Variants in HERC6 observed in about 807,000 individuals in gnomAD.
The protein encoded by HERC6 is HECT and RLD domain containing E3 ubiquitin protein ligase family member 6, also known as probable E3 ubiquitin-protein ligase HERC6.
In HERC6, 101 loss-of-function variants were observed where a neutral mutation model predicts 114.5. The ratio of observed to expected loss-of-function variants is 0.88; its 90% CI spans 0.75 to 1.04. HERC6 has a LOEUF of 1.04. Ranked by LOEUF, HERC6 falls within the 50% of genes least tolerant of loss-of-function variation. HERC6 has a pLI of 0.00. For missense variants in HERC6, 1,133 were observed against 1,230.9 expected (o/e 0.92, Z 1.19); for synonymous variants, 408 against 436.2 (o/e 0.94, Z 0.81).
In HERC6 at chr4:88,385,540, C is replaced by T. The variant is rs1201121682; in HGVS notation, c.401C>T (p.Ser134Phe). ...TLNDIKIIQV[S>F]CGHYHSLALS... is the part of the protein sequence containing the mutation. ...AATGATATAAAAATAATACAAGTTTCCTGTGGACACTACCACTCCCTGGCA... is the reference window on the plus strand; with the variant it reads ...AATGATATAAAAATAATACAAGTTTTCTGTGGACACTACCACTCCCTGGCA... Residue 134 changes from serine to phenylalanine, a missense_variant, in exon 3 of 23, where the codon TCC (serine) becomes TTC (phenylalanine). By Grantham distance (155) the Ser-to-Phe change is radical. Transcript: ENST00000264346. 2.0e-6 allele frequency: 3 copies of T among 1,504,888 alleles called. No homozygotes were observed. The East Asian group carries it at 7.5e-5, about 38-fold the overall frequency. The allele number at this position is 1,504,888 out of a possible 1,614,324, so 93.2% of individuals were successfully genotyped here.
At chr4:88,390,078 C>A (rs887512175) in intron 3 of HERC6, among the ~76,000 whole-genome samples, 39 of 149,208 alleles carry the variant, frequency 2.6e-4, no homozygotes, top group African/African-American at 9.2e-4. Flanking sequence ...ACTCAGGAGC[C>A]TGAGGCAGGA....
In HERC6 at chr4:88,417,572, T is replaced by C. The variant is rs1393643975; in HGVS notation, c.1706T>C (p.Leu569Pro). ...GCTCTTTTAGGAATGATGAAAGAAC[T>C]GCATAAGGTAAGGGTTACTCTAAAG... The part of the protein sequence containing the change: ...VKALLGMMKE[L>P]HKVNKANCRL... The change falls in exon 13 of 23, where the codon CTG becomes CCG. Residue 569 changes from leucine (L) to proline (P), a missense_variant. Leu to Pro is a moderately conservative substitution (Grantham distance 98). Coordinates refer to ENST00000264346, the MANE Select transcript of HERC6 (RefSeq NM_017912.4). 1 of 1,612,406 alleles carries C rather than the reference T, an allele frequency of 6.2e-7. No individual in the cohort carries two copies. The highest frequency in any genetic ancestry group is 8.5e-7 in the Non-Finnish European group (1 of 1,179,204).
intron 17 of HERC6, among the ~76,000 whole-genome samples, chr4:88,431,533 T>G (rs1313166570): frequency 1.3e-5 from 2 of 152,216 alleles, no homozygotes; most frequent in African/African-American, 4.8e-5. Context: ...TCAGAGCATG[T>G]ATTTTATAAG....
At chr4:88,392,708 A>G (rs1734983533) in intron 4 of HERC6, among the ~76,000 whole-genome samples, 1 of 152,186 alleles carries the variant, frequency 6.6e-6, no homozygotes, top group South Asian at 2.1e-4. Flanking sequence ...CCTTGCAGTT[A>G]AGGCCACCTC....
chr4:88,434,958 T>C (rs929906627), intron 17 of HERC6, among the ~76,000 whole-genome samples: 4 of 152,170 alleles, frequency 2.6e-5, no homozygotes, highest in Non-Finnish European at 5.9e-5. Context: ...ATTTTAGAAT[T>C]TATTTTCACA....
intron 19 of HERC6, 114 bp downstream of exon 19, chr4:88,437,085 C>G: frequency 1.5e-6 from 1 of 677,430 alleles, no homozygotes; most frequent in Non-Finnish European, 2.4e-6. Context: ...GAGGCAGAGT[C>G]TCACTCTGTC....
At chr4:88,401,052 A>G (rs1735508818) in intron 8 of HERC6, among the ~76,000 whole-genome samples, 2 of 152,298 alleles carry the variant, frequency 1.3e-5, no homozygotes, top group South Asian at 4.2e-4. Flanking sequence ...AGATTGTGTT[A>G]TTGCAGAGGA....
At chr4:88,428,442 AT>A (rs1241453235) in intron 15 of HERC6, 137 bp from the exon 16 acceptor site, 1 of 607,148 alleles carries the variant, frequency 1.6e-6, no homozygotes, top group Non-Finnish European at 2.7e-6. Flanking sequence ...GTTTTCTTAA[AT>A]AATTACAATG....
chr4:88,428,634 G>A lies in HERC6; in HGVS notation c.1990G>A (p.Asp664Asn), dbSNP rs1737873903. The A allele has an allele frequency of 6.2e-7, 1 of 1,608,654 alleles. No homozygotes were observed. The highest frequency in any genetic ancestry group is 8.5e-7 in the Non-Finnish European group (1 of 1,177,652). Residue 664 changes from aspartate (D) to asparagine (N), a missense_variant, in exon 16 of 23, where the codon GAT (aspartate) becomes AAT (asparagine). Asp to Asn is a conservative substitution (Grantham distance 23, BLOSUM62 1). Around this residue, in one of 3 missense-constraint regions of HERC6, gnomAD observed 388 missense variants for 445.9 expected, o/e 0.87. Coordinates refer to ENST00000264346, the MANE Select transcript of HERC6 (RefSeq NM_017912.4). ...GCATGAAACAATTCTGCAAAAAAAG[G>A]ATGAATTTCCTCCATCACCCAGATT... ...LMHETILQKKDEFPPSPRFIL... is the reference protein window; with the variant it reads ...LMHETILQKKNEFPPSPRFIL...
intron 9 of HERC6, 104 bp from the exon 10 acceptor site, chr4:88,405,450 A>G (rs1256204300): frequency 1.8e-6 from 1 of 544,076 alleles, no homozygotes; most frequent in Non-Finnish European, 3.1e-6. Flanking sequence ...TATTTTCATT[A>G]ATAATTATTC....
intron 8 of HERC6, among the ~76,000 whole-genome samples, chr4:88,401,087 G>A (rs572188404): frequency 6.6e-6 from 1 of 152,250 alleles, no homozygotes; most frequent in South Asian, 2.1e-4. Flanking sequence ...TGACCCGAGT[G>A]GGCTGGACAG....
intron 3 of HERC6, among the ~76,000 whole-genome samples, chr4:88,385,948 C>T (rs1361295264): frequency 6.6e-6 from 1 of 152,058 alleles, no homozygotes; most frequent in Non-Finnish European, 1.5e-5. Context: ...AAAATCATGA[C>T]TCTATATTTT....
Position 88,426,310 on chromosome 4 carries a change from A to T in HERC6, c.1935+1608A>T, listed in dbSNP as rs557984629. ...CAGCCTCCCAAGTAGGTGGGATTAC[A>T]GGCATGCGCCACCATGCCTGGCTAA... On this transcript the variant is annotated intron_variant, in intron 15 of 22. Coordinates refer to ENST00000264346, the MANE Select transcript of HERC6 (RefSeq NM_017912.4). Among the ~76,000 whole-genome samples, 3 of 152,258 alleles carry T rather than the reference A, an allele frequency of 2.0e-5. 1 individual carries two copies. Among genetic ancestry groups the T allele is most frequent in the African/African-American group, 7.2e-5 (3 of 41,562 alleles).
chr4:88,415,985 A>G (rs2148911434), intron 12 of HERC6, among the ~76,000 whole-genome samples: 1 of 152,372 alleles, frequency 6.6e-6, no homozygotes. Context: ...AGTCAGGGAT[A>G]GGGAGATGAA....
At chr4:88,412,981 T>C (rs531576394) in intron 11 of HERC6, 96 bp from the exon 12 acceptor site, 8 of 835,028 alleles carry the variant, frequency 9.6e-6, no homozygotes, top group African/African-American at 8.6e-5. Context: ...AATTGGAACA[T>C]GGTGGAGTGA....
At chr4:88,434,473 G>A (rs185887045) in intron 17 of HERC6, among the ~76,000 whole-genome samples, 32 of 152,310 alleles carry the variant, frequency 2.1e-4, no homozygotes, top group Non-Finnish European at 1.9e-4. Flanking sequence ...ATGGAGAGGC[G>A]AAGGCCTGAG....
At position 88,436,915 on chromosome 4, in the gene HERC6, G is replaced by A; in HGVS notation, c.2428G>A (p.Glu810Lys). 6.2e-7 allele frequency: 1 copy of A among 1,600,968 alleles called. No homozygotes were observed. The change falls in exon 19 of 23, where the codon GAA (glutamate) becomes AAA (lysine). Residue 810 changes from glutamate (E) to lysine (K), a missense_variant. Physicochemically the swap from Glu to Lys is moderately conservative, Grantham distance 56. This residue lies in a region of HERC6 where 388 missense variants were observed against 445.9 expected (regional missense o/e 0.87). Coordinates refer to ENST00000264346, the MANE Select transcript of HERC6 (RefSeq NM_017912.4). Reference sequence around the variant, plus strand: ...CAAAATCTTCATTAGGAGTTTGCAAGAAGTTCTAGATGATGCTGCTGATGA... The same window carrying A: ...CAAAATCTTCATTAGGAGTTTGCAAAAAGTTCTAGATGATGCTGCTGATGA... ...LSPRLGKSLQEVLDDAADDIG... is the reference protein window; with the variant it reads ...LSPRLGKSLQKVLDDAADDIG...
Position 88,405,366 on chromosome 4 carries a change from A to G in HERC6, c.1215-188A>G, listed in dbSNP as rs1044579172. On this transcript the variant is annotated intron_variant, in intron 9 of 22. Transcript: ENST00000264346. ...ACGTGACTTGAACAAATCAACTATA[A>G]AGGGTTTTGGTGAGATTTAGAAATA... Among the ~76,000 whole-genome samples, 3 of 152,338 alleles carry G rather than the reference A, an allele frequency of 2.0e-5. No homozygotes were observed. The East Asian group carries it at 5.8e-4, about 29-fold the overall frequency.
At chr4:88,405,046 T>C (rs757113486) in intron 9 of HERC6, 49 bp downstream of exon 9, 2 of 1,584,816 alleles carry the variant, frequency 1.3e-6, no homozygotes, top group East Asian at 2.3e-5. Context: ...GTTCTGGGGC[T>C]TTGGTCATTT....
Sources: allele counts gnomAD v4.1 joint callset (sites outside exome capture counted in the v4.1 genomes callset), GRCh38; gene constraint gnomAD v4.1.1; regional missense constraint gnomAD v4.1.1; transcripts MANE v1.5; gene names NCBI Gene and HGNC (gene_info 2026-07-23, HGNC 2026-07-21).